Variants in TLR6 observed in about 807,000 individuals in gnomAD.
TLR6 encodes the protein toll-like receptor 6.
A neutral mutation model predicts 16.1 loss-of-function variants in TLR6; 9 were observed. The ratio of observed to expected loss-of-function variants is 0.56; its 90% CI spans 0.34 to 0.98. TLR6 has a LOEUF of 0.98. Among genes scored for constraint, TLR6 ranks in the 50% least tolerant of loss-of-function variants. TLR6 has a pLI of 0.02. For missense variants in TLR6, 786 were observed against 921.0 expected (o/e 0.85, Z 1.90); for synonymous variants, 340 against 338.6 (o/e 1.00, Z -0.04).
intron 1 of TLR6, 23 bp downstream of exon 1, chr4:38,856,738 G>C (rs1288772793): frequency 2.6e-5 from 4 of 152,210 alleles, no homozygotes; most frequent in African/African-American, 9.6e-5. Flanking sequence ...ATGTGAAAAA[G>C]CCACAGAAGT....
At chr4:38,849,540 G>A (rs1405006794) in intron 1 of TLR6, among the ~76,000 whole-genome samples, 1 of 152,086 alleles carries the variant, frequency 6.6e-6, no homozygotes, top group African/African-American at 2.4e-5. Context: ...CCCATCTCAC[G>A]TGCAGAGACA....
At chr4:38,843,054 C>T (rs1214834278) in intron 1 of TLR6, among the ~76,000 whole-genome samples, 1 of 152,202 alleles carries the variant, frequency 6.6e-6, no homozygotes, top group Non-Finnish European at 1.5e-5. Flanking sequence ...CAGGCTAAAG[C>T]TGCCGTATGG....
chr4:38,829,525 A>G (rs951367049), exon 2 of TLR6: 8 of 1,061,286 alleles, frequency 7.5e-6, no homozygotes, highest in Non-Finnish European at 1.1e-5. Flanking sequence ...GCATCTTGAT[A>G]TGAGTCCAAA....
chr4:38,843,498 T>C (rs562334500), intron 1 of TLR6: 1 of 152,346 alleles, frequency 6.6e-6, no homozygotes, highest in East Asian at 1.9e-4. Context: ...AAGGGTCCAC[T>C]TTTCACCATC....
At position 38,855,844 on chromosome 4, in the gene TLR6, T is replaced by C. The variant is rs114041439; in HGVS notation, c.-65+917A>G. On this transcript the variant is annotated intron_variant, in intron 1 of 1. Transcript: ENST00000436693. ...AGATGAGAGTGGAAGATTAGAGAGT[T>C]CACAGTTTTTTAAAGAAAGTAAAAA... is the stretch of plus-strand genomic sequence containing the variant. 8.1e-3 allele frequency among the ~76,000 whole-genome samples: 1,139 copies of C among 140,480 alleles called. 12 individuals are homozygous for C. The highest frequency in any genetic ancestry group is 0.031 in the African/African-American group (1,091 of 35,340). The allele number at this position is 140,480 out of a possible 152,430, so 92.2% of individuals were successfully genotyped here.
At chr4:38,856,000 G>C (rs1179087118) in intron 1 of TLR6, among the ~76,000 whole-genome samples, 1 of 151,304 alleles carries the variant, frequency 6.6e-6, no homozygotes, top group Non-Finnish European at 1.5e-5. Context: ...AGGAAGAAGA[G>C]AGCAGAAAAA....
chr4:38,864,199 C>T, the TLR6 span, among the ~76,000 whole-genome samples: 9 of 152,322 alleles, frequency 5.9e-5, 1 homozygote, highest in African/African-American at 2.2e-4. Context: ...TGCTTTACTC[C>T]ACCACCTCAT....
At chr4:38,831,168 C>T (rs1164213992) in intron 1 of TLR6, among the ~76,000 whole-genome samples, 2 of 151,814 alleles carry the variant, frequency 1.3e-5, no homozygotes, top group African/African-American at 4.8e-5. Flanking sequence ...GACCAGAATA[C>T]AGAGCTTAGA....
At chr4:38,833,401 T>A (rs6531670) in intron 1 of TLR6, among the ~76,000 whole-genome samples, 16 of 152,100 alleles carry the variant, frequency 1.1e-4, no homozygotes, top group Non-Finnish European at 2.1e-4. Flanking sequence ...CTGACAACTG[T>A]AACCTAAGCC....
At chr4:38,855,326 A>G in intron 1 of TLR6, among the ~76,000 whole-genome samples, 1 of 152,172 alleles carries the variant, frequency 6.6e-6, no homozygotes, top group Non-Finnish European at 1.5e-5. Context: ...AATATACCAA[A>G]TACTAATAAT....
chr4:38,862,948 A>C, the TLR6 span, among the ~76,000 whole-genome samples: 1 of 151,030 alleles, frequency 6.6e-6, no homozygotes, highest in Non-Finnish European at 1.5e-5. Flanking sequence ...AAAAAAAAAA[A>C]AAAAAACTCC....
At chr4:38,834,232 C>A (rs751938741) in intron 1 of TLR6, among the ~76,000 whole-genome samples, 44 of 146,436 alleles carry the variant, frequency 3.0e-4, no homozygotes, top group Non-Finnish European at 5.4e-4. Flanking sequence ...GAGCAAAACT[C>A]CAGCTCAAAA....
chr4:38,852,067 G>T (rs1171610885), intron 1 of TLR6, among the ~76,000 whole-genome samples: 1 of 152,064 alleles, frequency 6.6e-6, no homozygotes, highest in African/African-American at 2.4e-5. Context: ...GCTCTCAGAA[G>T]TAATACCACA....
intron 1 of TLR6, among the ~76,000 whole-genome samples, chr4:38,842,384 C>T (rs999521600): frequency 2.0e-5 from 3 of 152,190 alleles, no homozygotes; most frequent in Non-Finnish European, 2.9e-5. Context: ...GAAATGATAT[C>T]ACCATTCATG....
At chr4:38,834,191 T>C (rs1219054505) in intron 1 of TLR6, among the ~76,000 whole-genome samples, 1 of 151,134 alleles carries the variant, frequency 6.6e-6, no homozygotes, top group Admixed American at 6.6e-5. Flanking sequence ...CGAGCTGAGA[T>C]TGCACCACTA....
chr4:38,855,401 C>A (rs947007568), intron 1 of TLR6, among the ~76,000 whole-genome samples: 1 of 151,946 alleles, frequency 6.6e-6, no homozygotes, highest in Non-Finnish European at 1.5e-5. Context: ...TTCAGATATC[C>A]CTAAAATGTC....
chr4:38,838,667 C>T (rs532689542), intron 1 of TLR6, among the ~76,000 whole-genome samples: 5 of 152,082 alleles, frequency 3.3e-5, no homozygotes, highest in East Asian at 1.9e-4. Context: ...TTCTAGTGTT[C>T]AATAACACAG....
intron 1 of TLR6, among the ~76,000 whole-genome samples, chr4:38,841,182 A>G (rs778911678): frequency 1.2e-5 from 1 of 81,524 alleles, no homozygotes; most frequent in Non-Finnish European, 2.1e-5. Flanking sequence ...TGGAGGTATA[A>G]ATTTTGTAAA....
exon 2 of TLR6, chr4:38,828,693 T>C: frequency 6.2e-7 from 1 of 1,614,138 alleles, no homozygotes; most frequent in Non-Finnish European, 8.5e-7. Context: ...TTCCAAGTCG[T>C]TTCTATGTGG....
Sources: gnomAD v4.1 joint callset for allele counts (sites outside exome capture counted in the v4.1 genomes callset) on GRCh38, gnomAD v4.1.1 for gene constraint, MANE v1.5 for transcripts, NCBI Gene and HGNC (gene_info 2026-07-23, HGNC 2026-07-21) for gene names.